SS18L1: variants seen among roughly 807,000 people sequenced by gnomAD.
The protein encoded by SS18L1 is SS18L1 subunit of BAF chromatin remodeling complex.
A neutral mutation model predicts 70.3 loss-of-function variants in SS18L1; 32 were observed. The ratio of observed to expected loss-of-function variants is 0.46; its 90% confidence interval spans 0.34 to 0.61. SS18L1 has a LOEUF of 0.61. SS18L1 is among the 20% of genes least tolerant of loss of function. The pLI, the probability that SS18L1 is intolerant of heterozygous loss-of-function variation, is 0.01. For synonymous variants in SS18L1, 237 were observed against 229.7 expected (o/e 1.03, Z -0.29); for missense variants, 430 against 542.1 (o/e 0.79, Z 2.05).
At position 62,170,151 on chromosome 20, in the gene SS18L1, G is replaced by C. The variant is rs865981997; in HGVS notation, c.917-2531G>C. 3.4e-4 allele frequency among the ~76,000 whole-genome samples: 52 copies of C among 152,362 alleles called. No individual in the cohort carries two copies. The Middle Eastern group carries it at 0.01, about 30-fold the overall frequency. On this transcript the variant is annotated intron_variant, in intron 8 of 10. Transcript: ENST00000331758. ...GCCGTGGCCTCTTGTTTCACACACA[G>C]ATGCGCCATGCTGCCCGGCACCTTC...
Position 62,180,534 on chromosome 20 carries a change from T to G in SS18L1, c.*1326T>G, listed in dbSNP as rs1052738405. ...AGAACTACCAAGAAAATACAAGAGA[T>G]ATCCAATGCTTGATATATGAGGCCT... On this transcript the variant is annotated 3_prime_UTR_variant, in exon 11 of 11. Transcript: ENST00000331758. 6 of 179,806 alleles carry G rather than the reference T, an allele frequency of 3.3e-5. No individual in the cohort carries two copies. Among genetic ancestry groups the G allele is most frequent in the African/African-American group, 1.2e-4 (5 of 42,372 alleles). 11.1% of individuals were successfully genotyped at this position (179,806 alleles called of 1,614,324 possible). A position where few individuals can be genotyped will look rare whatever the true frequency, so the allele number is the denominator to read the frequency against.
At chr20:62,164,014 T>C (rs143901235) in intron 6 of SS18L1, 131 bp from the exon 7 acceptor site, 8,593 of 721,616 alleles carry the variant, frequency 0.012, 77 homozygotes, top group Non-Finnish European at 0.015. Flanking sequence ...TTGGATACGA[T>C]GACAGCGTGG....
rs1396908467 is a variant in SS18L1, at chr20:62,174,314, G to C, written c.1037-203G>C. Among the ~76,000 whole-genome samples, 2 of 151,212 alleles carry C rather than the reference G, an allele frequency of 1.3e-5. No homozygotes were observed. The highest frequency in any genetic ancestry group is 1.9e-4 in the East Asian group (1 of 5,176). On this transcript the variant is annotated intron_variant, in intron 9 of 10. Coordinates refer to ENST00000331758, the MANE Select transcript of SS18L1 (RefSeq NM_198935.3). The surrounding 1 kb of genome is among the most constrained non-coding windows in gnomAD (Gnocchi z 4.1). ...CAGGACTGGAGGGGCTGGTGAGTCG[G>C]TTACGTGGTGCTCTCGCTGTACAGA...
intron 1 of SS18L1, among the ~76,000 whole-genome samples, chr20:62,147,344 C>G (rs971087137): frequency 3.3e-5 from 5 of 152,070 alleles, no homozygotes; most frequent in South Asian, 4.1e-4. Context: ...TGGGCCATGT[C>G]CCCACGGTGG....
rs80284291 is a variant in SS18L1, at chr20:62,164,122, C to G, written c.722-23C>G. On this transcript the variant is annotated intron_variant, in intron 6 of 10. Transcript: ENST00000331758. ...GGGAGGAGGGCGCGGCCCGCACTGG[C>G]GCTGAATGTGGTTCCCCCGCAGGCT... 0.063 allele frequency: 96,771 copies of G among 1,545,002 alleles called. 3,409 individuals carry two copies. The highest frequency in any genetic ancestry group is 0.084 in the Middle Eastern group (500 of 5,942).
chr20:62,159,656 G>A lies in SS18L1; in HGVS notation c.147-221G>A, dbSNP rs2057288922. Reference sequence around the variant, plus strand: ...CCAGAGTTTTTGTCATGGGTTGGGAGCCTGCTCAGGGTTTGGGGTAGAGGC... The same window carrying A: ...CCAGAGTTTTTGTCATGGGTTGGGAACCTGCTCAGGGTTTGGGGTAGAGGC... On this transcript the variant is annotated intron_variant, in intron 2 of 10. Coordinates refer to ENST00000331758, the MANE Select transcript of SS18L1 (RefSeq NM_198935.3). The surrounding 1 kb of genome is among the most constrained non-coding windows in gnomAD (Gnocchi z 4.4). Among the ~76,000 whole-genome samples the A allele has an allele frequency of 1.3e-5, 2 of 152,062 alleles. No individual in the cohort carries two copies. The highest frequency in any genetic ancestry group is 4.8e-5 in the African/African-American group (2 of 41,398).
At position 62,159,903 on chromosome 20, in the gene SS18L1, T is replaced by A; in HGVS notation, c.173T>A (p.Leu58Gln). The change falls in exon 3 of 11, where the codon CTG (leucine) becomes CAG (glutamine). Residue 58 changes from leucine to glutamine, a missense_variant. Coordinates refer to ENST00000331758, the MANE Select transcript of SS18L1 (RefSeq NM_198935.3). This position sits in a 1 kb window ranked among gnomAD's most constrained non-coding sequence, Gnocchi z 4.4. Reference protein sequence around the residue: ...TQYQQILHRNLVYLATIADSN... With the variant: ...TQYQQILHRNQVYLATIADSN... ...TACCAGCAGATCCTGCACCGGAACC[T>A]GGTATACCTGGCCACGATCGCAGAC... 6.2e-7 allele frequency: 1 copy of A among 1,612,694 alleles called. No individual in the cohort carries two copies. Among genetic ancestry groups the A allele is most frequent in the Non-Finnish European group, 8.5e-7 (1 of 1,179,892 alleles).
At chr20:62,155,363 A>G (rs796289623) in intron 1 of SS18L1, among the ~76,000 whole-genome samples, 36 of 152,336 alleles carry the variant, frequency 2.4e-4, no homozygotes, top group African/African-American at 7.5e-4. Flanking sequence ...CAGTAAGCCA[A>G]GATCACGCCA....
chr20:62,143,788 C>G lies in SS18L1; in HGVS notation c.-33C>G, dbSNP rs780953116. On this transcript the variant is annotated 5_prime_UTR_variant, in exon 1 of 11. Coordinates refer to ENST00000331758, the MANE Select transcript of SS18L1 (RefSeq NM_198935.3). The stretch of plus-strand genomic sequence containing the variant: ...CCCAGCGCAGCCGGAGTATCCACCT[C>G]GATGACCACGGGCTGAGCCCCGCGC... The G allele has an allele frequency of 1.2e-5, 16 of 1,343,754 alleles. No homozygotes were observed. The highest frequency in any genetic ancestry group is 1.6e-5 in the Non-Finnish European group (16 of 1,017,160). The allele number at this position is 1,343,754 out of a possible 1,614,324, so 83.2% of individuals were successfully genotyped here. A position where few individuals can be genotyped will look rare whatever the true frequency, so the allele number is the denominator to read the frequency against.
Position 62,179,317 on chromosome 20 carries a change from G to C in SS18L1, c.*109G>C, listed in dbSNP as rs1055814536. 19 of 1,249,684 alleles carry C rather than the reference G, an allele frequency of 1.5e-5. No individual in the cohort carries two copies. Among genetic ancestry groups the C allele is most frequent in the Non-Finnish European group, 2.0e-5 (17 of 856,010 alleles). The allele number at this position is 1,249,684 out of a possible 1,614,324, so 77.4% of individuals were successfully genotyped here. A position where few individuals can be genotyped will look rare whatever the true frequency, so the allele number is the denominator to read the frequency against. ...GACATGTTGGTTACCTGTTCGCCCA[G>C]TGCCACGTCTGCATGTGAAGCGTGC... On this transcript the variant is annotated 3_prime_UTR_variant, in exon 11 of 11. Coordinates refer to ENST00000331758, the MANE Select transcript of SS18L1 (RefSeq NM_198935.3).
At chr20:62,148,527 T>C (rs1453593880) in intron 1 of SS18L1, among the ~76,000 whole-genome samples, 2 of 151,590 alleles carry the variant, frequency 1.3e-5, no homozygotes, top group Non-Finnish European at 2.9e-5. Flanking sequence ...CTTGCTGTCT[T>C]CGGTCAGGTG....
At chr20:62,172,944 G>GC (rs1448419466) in intron 9 of SS18L1, 143 bp downstream of exon 9, 6 of 1,491,538 alleles carry the variant, frequency 4.0e-6, no homozygotes, top group Admixed American at 4.4e-5. Context: ...GCTCCTCGGG[G>GC]CCCCCCAGCG....
At chr20:62,163,668 G>T in intron 6 of SS18L1, 46 bp downstream of exon 6, 1 of 1,491,514 alleles carries the variant, frequency 6.7e-7, no homozygotes. Context: ...GACCGCCGCG[G>T]GTCGTGAAGT....
chr20:62,169,878 G>A (rs545738469), intron 8 of SS18L1, among the ~76,000 whole-genome samples: 5 of 152,300 alleles, frequency 3.3e-5, no homozygotes, highest in Admixed American at 2.6e-4. Flanking sequence ...TCCCGAGCGC[G>A]GCTGGCGTGT....
At chr20:62,148,225 G>A (rs763530105) in intron 1 of SS18L1, among the ~76,000 whole-genome samples, 1 of 152,336 alleles carries the variant, frequency 6.6e-6, no homozygotes, top group Non-Finnish European at 1.5e-5. Flanking sequence ...GGCCTTGCTC[G>A]GCCTCCTTGC....
Position 62,179,338 on chromosome 20 carries a change from C to T in SS18L1, c.*130C>T, listed in dbSNP as rs1404911487. ...CCCAGTGCCACGTCTGCATGTGAAG[C>T]GTGCTCATTTCATGCTGGGTATGAC... On this transcript the variant is annotated 3_prime_UTR_variant, in exon 11 of 11. Transcript: ENST00000331758. 8.9e-6 allele frequency: 9 copies of T among 1,010,040 alleles called. No individual in the cohort carries two copies. Among genetic ancestry groups the T allele is most frequent in the South Asian group, 2.8e-5 (2 of 72,018 alleles). The allele number at this position is 1,010,040 out of a possible 1,614,324, so 62.6% of individuals were successfully genotyped here. A position where few individuals can be genotyped will look rare whatever the true frequency, so the allele number is the denominator to read the frequency against.
rs76572959 is a variant in SS18L1 at position 62,182,161 on chromosome 20, G to A, written c.*2953G>A. ...GATTAAGGTGGACAAGATCTCCTAA[G>A]ATCTGAAAAGAAACCTTAATACGCT... On this transcript the variant is annotated 3_prime_UTR_variant, in exon 11 of 11. Transcript: ENST00000331758. The A allele has an allele frequency of 7.2e-3, 1,632 of 225,200 alleles. 24 individuals are homozygous for A. Among genetic ancestry groups the A allele is most frequent in the African/African-American group, 0.032 (1,455 of 44,950 alleles). 14.0% of individuals were successfully genotyped at this position (225,200 alleles called of 1,614,324 possible). A position where few individuals can be genotyped will look rare whatever the true frequency, so the allele number is the denominator to read the frequency against.
intron 8 of SS18L1, among the ~76,000 whole-genome samples, chr20:62,167,517 A>G (rs61101553): frequency 0.17 from 26,264 of 151,848 alleles, 3,283 homozygotes; most frequent in African/African-American, 0.35. Context: ...TTGAGATTGC[A>G]CTACAGCACT....
chr20:62,152,173 T>G (rs913514719), intron 1 of SS18L1, among the ~76,000 whole-genome samples: 5 of 152,158 alleles, frequency 3.3e-5, no homozygotes, highest in African/African-American at 9.7e-5. Context: ...GGGGCTCCGC[T>G]GCCTCATGGC....
Sources: allele counts gnomAD v4.1 joint callset (sites outside exome capture counted in the v4.1 genomes callset), GRCh38; gene constraint gnomAD v4.1.1; non-coding constraint Gnocchi (gnomAD v3.1); transcripts MANE v1.5; gene names NCBI Gene and HGNC (gene_info 2026-07-23, HGNC 2026-07-21).